The following IARS1 variants were observed in gnomAD, a reference collection of about 807,000 sequenced individuals.
IARS1 encodes the protein isoleucyl-tRNA synthetase 1, also known as isoleucine--tRNA ligase, cytoplasmic.
Under a neutral mutation model 168.2 loss-of-function variants are expected in IARS1, and 124 were observed. The ratio of observed to expected loss-of-function variants is 0.74; its 90% CI spans 0.64 to 0.86. The LOEUF (loss-of-function observed/expected upper bound fraction) is 0.86. Among genes scored for constraint, IARS1 ranks in the 40% least tolerant of loss-of-function variants. The probability of loss-of-function intolerance (pLI) is 0.00; values close to 1 mark genes in which losing one functional copy is unlikely to be tolerated. For missense variants in IARS1, 1,452 were observed against 1,515.8 expected (o/e 0.96, Z 0.70); for synonymous variants, 532 against 529.4 (o/e 1.00, Z -0.07).
chr9:92,288,020 A>G, intron 3 of IARS1, 106 bp downstream of exon 3: 2 of 1,516,476 alleles, frequency 1.3e-6, no homozygotes, highest in Admixed American at 1.9e-5. Flanking sequence ...GAAATGAACT[A>G]GAAGGTCTGA....
chr9:92,274,386 C>G, intron 10 of IARS1, 40 bp downstream of exon 10: 1 of 1,488,384 alleles, frequency 6.7e-7, no homozygotes, highest in Admixed American at 1.7e-5. Context: ...AAGTGGCTAC[C>G]GACATACTCA....
rs1833048766 is a variant in IARS1, at chr9:92,271,651, T to C, written c.995A>G (p.Asp332Gly). 1 of 1,613,902 alleles carries C rather than the reference T, an allele frequency of 6.2e-7. No individual in the cohort carries two copies. The highest frequency in any genetic ancestry group is 1.3e-5 in the African/African-American group (1 of 74,904). Reference sequence around the variant, plus strand: ...GTTAAAGTCCATACAGACCCGATAGTCCTCCTGAGAAAAGGCAAAAGAGAG... The same window carrying C: ...GTTAAAGTCCATACAGACCCGATAGCCCTCCTGAGAAAAGGCAAAAGAGAG... ...VHQAPYFGAE[D>G]YRVCMDFNII... is the part of the protein sequence containing the mutation. Residue 332 changes from aspartate to glycine, a missense_variant, in exon 11 of 34, where the codon GAC becomes GGC. Asp to Gly is a moderately conservative substitution (Grantham distance 94). Coordinates refer to ENST00000443024, the MANE Select transcript of IARS1 (RefSeq NM_002161.6).
At chr9:92,264,808 G>C in intron 16 of IARS1, 121 bp downstream of exon 16, 1 of 852,444 alleles carries the variant, frequency 1.2e-6, no homozygotes, top group Non-Finnish European at 1.8e-6. Flanking sequence ...CAGGAATGTA[G>C]CCTGTCTTAT....
rs559186612 is a variant in IARS1, at chr9:92,245,878, G to A, written c.2792-807C>T. On this transcript the variant is annotated intron_variant, in intron 26 of 33. Coordinates refer to ENST00000443024, the MANE Select transcript of IARS1 (RefSeq NM_002161.6). ...GCCTCCTGGGTTCACGCCATTCCCC[G>A]GCCTCAGTCTCCTGAGTAGCTGGAA... Among the ~76,000 whole-genome samples, 10 of 151,366 alleles carry A rather than the reference G, an allele frequency of 6.6e-5. No individual in the cohort carries two copies. The South Asian group carries it at 1.7e-3, about 25-fold the overall frequency.
intron 9 of IARS1, among the ~76,000 whole-genome samples, chr9:92,277,503 T>G: frequency 6.6e-6 from 1 of 151,846 alleles, no homozygotes; most frequent in Non-Finnish European, 1.5e-5. Flanking sequence ...CATAGCGAGA[T>G]TCTGTCTCTA....
chr9:92,259,745 A>C (rs529293674), intron 18 of IARS1, among the ~76,000 whole-genome samples: 65 of 152,172 alleles, frequency 4.3e-4, no homozygotes, highest in Non-Finnish European at 7.8e-4. Flanking sequence ...TTTCAATATG[A>C]GTTTTTTTAT....
chr9:92,222,888 T>C (rs1364835147), intron 32 of IARS1, among the ~76,000 whole-genome samples: 6 of 151,596 alleles, frequency 4.0e-5, no homozygotes, highest in East Asian at 1.9e-4. Context: ...AAAAAACTTA[T>C]ATAAAAGCCC....
At chr9:92,271,499 A>G in intron 11 of IARS1, 34 bp downstream of exon 11, 1 of 1,610,796 alleles carries the variant, frequency 6.2e-7, no homozygotes, top group Non-Finnish European at 8.5e-7. Flanking sequence ...ATCAGAAGTA[A>G]CAGTCACCCT....
chr9:92,289,490 T>C, intron 1 of IARS1, 64 bp from the exon 2 acceptor site: 1 of 766,750 alleles, frequency 1.3e-6, no homozygotes, highest in South Asian at 1.4e-5. Context: ...AGTACCATAT[T>C]ATTAACATGG....
At chr9:92,265,387 G>C in intron 15 of IARS1, 93 bp downstream of exon 15, 2 of 1,157,242 alleles carry the variant, frequency 1.7e-6, no homozygotes, top group Non-Finnish European at 2.6e-6. Context: ...CAGCAAGCTA[G>C]TCACTTCCAT....
chr9:92,227,088 C>T (rs1825819336), intron 31 of IARS1, among the ~76,000 whole-genome samples: 1 of 137,202 alleles, frequency 7.3e-6, no homozygotes, highest in Non-Finnish European at 1.6e-5. Flanking sequence ...CCTGAGTGGA[C>T]ACAGCACATG....
At chr9:92,247,306 CAAACAGTAGCCT>C in intron 26 of IARS1, 59 bp downstream of exon 26, 1 of 1,437,618 alleles carries the variant, frequency 7.0e-7, no homozygotes. Context: ...TATTAAAAGT[CAAACAGTAGCCT>C]AAAAAGTATC....
rs138723668 is a variant in IARS1, at chr9:92,276,564, A to C, written c.894+1299T>G. Among the ~76,000 whole-genome samples, 3 of 152,338 alleles carry C rather than the reference A, an allele frequency of 2.0e-5. No individual in the cohort carries two copies. In the East Asian group the frequency reaches 5.8e-4, roughly 29 times the overall value. On this transcript the variant is annotated intron_variant, in intron 9 of 33. Transcript: ENST00000443024. ...ATGTGGGAAAACACTCAAGAGGCAC[A>C]AAAGTGAAAAGGCAGGTAACAGACA...
intron 7 of IARS1, 85 bp downstream of exon 7, chr9:92,280,661 C>A (rs1009261558): frequency 5.1e-6 from 4 of 786,906 alleles, no homozygotes; most frequent in Admixed American, 5.6e-5. Flanking sequence ...ATTCTTCATG[C>A]AAAAAGAAAG....
At chr9:92,222,465 C>T in intron 33 of IARS1, 55 bp downstream of exon 33, 4 of 1,486,370 alleles carry the variant, frequency 2.7e-6, no homozygotes, top group Non-Finnish European at 3.7e-6. Flanking sequence ...TGGTTAATGG[C>T]ATCAAAATCT....
At chr9:92,245,176 G>T in intron 26 of IARS1, 105 bp from the exon 27 acceptor site, 1 of 851,298 alleles carries the variant, frequency 1.2e-6, no homozygotes, top group Non-Finnish European at 2.0e-6. Context: ...CAATAACAAA[G>T]CCACAGAGGC....
intron 33 of IARS1, among the ~76,000 whole-genome samples, chr9:92,214,834 A>G (rs936955415): frequency 3.6e-4 from 54 of 151,676 alleles, no homozygotes; most frequent in East Asian, 2.9e-3. Context: ...AGGCGGCAGC[A>G]AGGCTGGGGG....
chr9:92,222,778 G>T, intron 32 of IARS1, 106 bp from the exon 33 acceptor site: 1 of 1,102,200 alleles, frequency 9.1e-7, no homozygotes, highest in Non-Finnish European at 1.3e-6. Context: ...GAGGCCAGCA[G>T]TGCGTCCAGG....
intron 10 of IARS1, among the ~76,000 whole-genome samples, 191 bp downstream of exon 10, chr9:92,274,235 G>A (rs1451223482): frequency 1.3e-5 from 2 of 151,958 alleles, no homozygotes; most frequent in East Asian, 3.9e-4. Context: ...ACTGGATTTG[G>A]CCCACTCTTT....
Sources: gnomAD v4.1 joint callset for allele counts (sites outside exome capture counted in the v4.1 genomes callset) on GRCh38, gnomAD v4.1.1 for gene constraint, MANE v1.5 for transcripts, NCBI Gene and HGNC (gene_info 2026-07-23, HGNC 2026-07-21) for gene names.